Variants in CHRDL2 observed in about 807,000 individuals in gnomAD.
The protein encoded by CHRDL2 is chordin-like protein 2.
Under a neutral mutation model 54.3 loss-of-function variants are expected in CHRDL2, and 41 were observed. The observed-to-expected ratio is 0.76, with a 90% CI of 0.59 to 0.98. The LOEUF is 0.98. CHRDL2 is among the 50% of genes least tolerant of loss of function. CHRDL2 has a pLI of 0.00. For missense variants in CHRDL2, 518 were observed against 562.4 expected, an observed-to-expected ratio of 0.92 and a Z score of 0.80; for synonymous variants, 220 against 224.3, an observed-to-expected ratio of 0.98 and a Z score of 0.17.
chr11:74,710,122 AGGAGAATGGCATGAACCCGGGAGGC>A (rs1166600439), intron 4 of CHRDL2, among the ~76,000 whole-genome samples: 1 of 151,728 alleles, frequency 6.6e-6, no homozygotes, highest in Admixed American at 6.6e-5. Flanking sequence ...AGTCTGAGGC[AGGAGAATGGCATGAACCCGGGAGGC>A]GGAGCTTGCA....
At chr11:74,723,803 T>G (rs1040571436) in intron 1 of CHRDL2, among the ~76,000 whole-genome samples, 5 of 152,202 alleles carry the variant, frequency 3.3e-5, no homozygotes, top group African/African-American at 1.2e-4. Context: ...ACCATGCCAC[T>G]CAGAATGATG....
intron 1 of CHRDL2, among the ~76,000 whole-genome samples, chr11:74,729,876 G>A (rs768577978): frequency 6.6e-6 from 1 of 152,168 alleles, no homozygotes; most frequent in African/African-American, 2.4e-5. Context: ...TATTGTGGGC[G>A]CAGTGAGGAA....
At chr11:74,712,426 A>G (rs1457356148) in intron 3 of CHRDL2, among the ~76,000 whole-genome samples, 1 of 152,166 alleles carries the variant, frequency 6.6e-6, no homozygotes, top group Non-Finnish European at 1.5e-5. Flanking sequence ...GCACAGGGGA[A>G]AATCCCAAAG....
intron 3 of CHRDL2, among the ~76,000 whole-genome samples, chr11:74,712,043 C>T (rs1326505052): frequency 3.9e-5 from 6 of 152,000 alleles, no homozygotes; most frequent in Non-Finnish European, 5.9e-5. Flanking sequence ...ATCTCTTGAC[C>T]TTGTGATCCG....
intron 1 of CHRDL2, among the ~76,000 whole-genome samples, chr11:74,725,714 G>A (rs2135278645): frequency 6.6e-6 from 1 of 152,316 alleles, no homozygotes; most frequent in Non-Finnish European, 1.5e-5. Context: ...TGGAGGGGAG[G>A]CTGGTCAAGA....
intron 2 of CHRDL2, among the ~76,000 whole-genome samples, chr11:74,717,799 T>C (rs554465504): frequency 6.6e-6 from 1 of 150,810 alleles, no homozygotes; most frequent in East Asian, 2.0e-4. Context: ...GGCTGGGAGC[T>C]AGCTACCCCT....
chr11:74,699,411 C>A (rs1362823589), intron 9 of CHRDL2: 1 of 152,360 alleles, frequency 6.6e-6, no homozygotes, highest in African/African-American at 2.4e-5. Flanking sequence ...CAAAGCAGAG[C>A]TGGCACCAAT....
chr11:74,731,005 T>G lies in CHRDL2; in HGVS notation c.-117A>C. ...CCACAGACCCCAGGAGGTCTGCTGC[T>G]AGAGCGGGGTCGGAGAAGGGCCAGG... On this transcript the variant is annotated 5_prime_UTR_variant, in exon 1 of 11. Transcript: ENST00000376332. This position sits in a 1 kb window ranked among gnomAD's most constrained non-coding sequence, Gnocchi z 4.4. 1 of 800,782 alleles carries G rather than the reference T, an allele frequency of 1.2e-6. No homozygotes were observed. Among genetic ancestry groups the G allele is most frequent in the Non-Finnish European group, 2.0e-6 (1 of 506,102 alleles). The allele number at this position is 800,782 out of a possible 1,614,324, so 49.6% of individuals were successfully genotyped here. A position where few individuals can be genotyped will look rare whatever the true frequency, so the allele number is the denominator to read the frequency against.
At chr11:74,702,681 G>A in intron 9 of CHRDL2, 113 bp downstream of exon 9, 1 of 1,039,566 alleles carries the variant, frequency 9.6e-7, no homozygotes, top group Admixed American at 2.0e-5. Context: ...AACCTGGCGG[G>A]GCAGCCAGAG....
chr11:74,721,901 G>A (rs1451731626), intron 1 of CHRDL2, among the ~76,000 whole-genome samples: 1 of 152,190 alleles, frequency 6.6e-6, no homozygotes, highest in African/African-American at 2.4e-5. Context: ...GGATTCTAAG[G>A]TTCAGGATTT....
chr11:74,725,112 G>A (rs2049368468), intron 1 of CHRDL2, among the ~76,000 whole-genome samples: 1 of 152,018 alleles, frequency 6.6e-6, no homozygotes, highest in African/African-American at 2.4e-5. Context: ...TCCTGCCTCA[G>A]CCTCCGAGTA....
Position 74,697,347 on chromosome 11 carries a change from G to C in CHRDL2, c.1121-50C>G, listed in dbSNP as rs149253157. The C allele has an allele frequency of 7.2e-4, 987 of 1,369,782 alleles. 5 individuals are homozygous for C. In the African/African-American group the frequency reaches 0.013, roughly 17 times the overall value. The allele number at this position is 1,369,782 out of a possible 1,614,324, so 84.9% of individuals were successfully genotyped here. On this transcript the variant is annotated intron_variant, in intron 9 of 10. Coordinates refer to ENST00000376332, the MANE Select transcript of CHRDL2 (RefSeq NM_001278473.3). ...GCAGGCAAGGCAAAAACCTACAGTC[G>C]GTGAAAAGTGAAACAGGGTGACTTA...
At chr11:74,718,942 G>A (rs12417156) in intron 1 of CHRDL2, 110 bp from the exon 2 acceptor site, 249,442 of 676,622 alleles carry the variant, frequency 0.37, 49,304 homozygotes, top group East Asian at 0.55. Flanking sequence ...GGCCACTCAG[G>A]CAAAAGAGAA....
chr11:74,711,533 T>C (rs2034192693), intron 3 of CHRDL2, among the ~76,000 whole-genome samples: 1 of 152,232 alleles, frequency 6.6e-6, no homozygotes, highest in Non-Finnish European at 1.5e-5. Flanking sequence ...GTCCTCATCC[T>C]GCCAGGTGGA....
In CHRDL2 at chr11:74,713,452, G is replaced by T; in HGVS notation, c.223C>A (p.His75Asn). The T allele has an allele frequency of 6.2e-7, 1 of 1,614,172 alleles. No individual in the cohort carries two copies. Among genetic ancestry groups the T allele is most frequent in the Non-Finnish European group, 8.5e-7 (1 of 1,180,018 alleles). ...EGAHVSCYRL[H>N]CPPVHCPQPV... Reference sequence around the variant, plus strand: ...TGGGGGCAGTGGACAGGCGGACAGTGGAGGCGGTAACAACTCACATGGGCG... The same window carrying T: ...TGGGGGCAGTGGACAGGCGGACAGTTGAGGCGGTAACAACTCACATGGGCG... The change falls in exon 3 of 11, where the codon CAC (histidine) becomes AAC (asparagine). Residue 75 changes from histidine (H) to asparagine (N), a missense_variant. His to Asn is a moderately conservative substitution (Grantham distance 68). Coordinates refer to ENST00000376332, the MANE Select transcript of CHRDL2 (RefSeq NM_001278473.3).
rs1565149063 is a variant in CHRDL2 at position 74,703,351 on chromosome 11, G to A, written c.900C>T (p.Cys300=). The part of the protein sequence containing the change: ...QRVTCPTEYP[C]RHPEKVAGKC... ...TCCCAGCCACTTTCTCGGGGTGACG[G>A]CAGGGGTACTCGGTGGGACAGGTCA... Residue 300 remains cysteine (C), a synonymous_variant, in exon 8 of 11, where the codon TGC becomes TGT. Coordinates refer to ENST00000376332, the MANE Select transcript of CHRDL2 (RefSeq NM_001278473.3). The A allele has an allele frequency of 1.9e-6, 3 of 1,612,872 alleles. No homozygotes were observed. Among genetic ancestry groups the A allele is most frequent in the South Asian group, 1.1e-5 (1 of 90,964 alleles).
At chr11:74,702,206 G>A (rs996273684) in intron 9 of CHRDL2, among the ~76,000 whole-genome samples, 3 of 151,372 alleles carry the variant, frequency 2.0e-5, no homozygotes, top group Admixed American at 6.6e-5. Context: ...CAGTGGAGCC[G>A]AGATCATGCC....
chr11:74,710,513 C>G (rs544984412), intron 4 of CHRDL2, among the ~76,000 whole-genome samples: 1 of 152,326 alleles, frequency 6.6e-6, no homozygotes, highest in South Asian at 2.1e-4. Context: ...CGTATTCATT[C>G]TCTCATTCAA....
rs528752910 is a variant in CHRDL2 at position 74,702,856 on chromosome 11, C to T, written c.1058G>A (p.Arg353His). The change falls in exon 9 of 11, where the codon CGC becomes CAC. Residue 353 changes from arginine to histidine, a missense_variant. Arg to His is a conservative substitution (Grantham distance 29). Transcript: ENST00000376332. ...CGAGGCCTCGTGTTCCAGGGCAAAGCGACGCAGGTTGTCTGGGCTTGGGGA... is the reference window on the plus strand; with the variant it reads ...CGAGGCCTCGTGTTCCAGGGCAAAGTGACGCAGGTTGTCTGGGCTTGGGGA... Reference protein sequence around the residue: ...SVSPSPDNLRRFALEHEASDL... With the variant: ...SVSPSPDNLRHFALEHEASDL... The T allele has an allele frequency of 2.7e-5, 43 of 1,614,142 alleles. No individual in the cohort carries two copies. Among genetic ancestry groups the T allele is most frequent in the Middle Eastern group, 1.6e-4 (1 of 6,062 alleles).
Sources: allele counts gnomAD v4.1 joint callset (sites outside exome capture counted in the v4.1 genomes callset), GRCh38; gene constraint gnomAD v4.1.1; non-coding constraint Gnocchi (gnomAD v3.1); transcripts MANE v1.5; gene names NCBI Gene and HGNC (gene_info 2026-07-23, HGNC 2026-07-21).